SYN3: variants seen among roughly 807,000 people sequenced by gnomAD.
SYN3 encodes synapsin III.
Under a neutral mutation model 65.8 loss-of-function variants are expected in SYN3, and 35 were observed. The ratio of observed to expected loss-of-function variants is 0.53; its 90% CI spans 0.41 to 0.70. SYN3 has a LOEUF of 0.70. SYN3 is among the 30% of genes least tolerant of loss of function. The pLI is 0.00. For synonymous variants in SYN3, 270 were observed against 292.9 expected, an observed-to-expected ratio of 0.92 and a Z score of 0.80; for missense variants, 680 against 749.0, an observed-to-expected ratio of 0.91 and a Z score of 1.08.
At chr22:33,027,668 A>AAGAAAGAAAAGAAAGAAAG (rs1171911185) in intron 1 of SYN3, among the ~76,000 whole-genome samples, 1 of 151,846 alleles carries the variant, frequency 6.6e-6, no homozygotes, top group Non-Finnish European at 1.5e-5. Flanking sequence ...AAGAAAGAAA[A>AAGAAAGAAAAGAAAGAAAG]AGAAAGAAAA....
intron 6 of SYN3, among the ~76,000 whole-genome samples, chr22:32,708,235 T>C (rs1016535571): frequency 6.6e-6 from 1 of 152,198 alleles, no homozygotes; most frequent in African/African-American, 2.4e-5. Flanking sequence ...ATGAAGAGTA[T>C]TTATTACTGG....
chr22:32,938,487 G>A (rs576480141), intron 3 of SYN3, among the ~76,000 whole-genome samples: 21 of 148,030 alleles, frequency 1.4e-4, no homozygotes, highest in South Asian at 4.3e-4. Flanking sequence ...CAGCAATCGC[G>A]CCACTGCACT....
At chr22:32,793,569 T>C (rs1466456801) in intron 6 of SYN3, among the ~76,000 whole-genome samples, 2 of 152,238 alleles carry the variant, frequency 1.3e-5, no homozygotes, top group Non-Finnish European at 2.9e-5. Context: ...CCTTGTTCAC[T>C]GTTGTATCTT....
At chr22:33,047,375 A>G (rs2054085957) in intron 1 of SYN3, among the ~76,000 whole-genome samples, 1 of 152,162 alleles carries the variant, frequency 6.6e-6, no homozygotes, top group Non-Finnish European at 1.5e-5. Context: ...GAAACTCCCA[A>G]TGCTTTCAAC....
chr22:32,716,545 T>G (rs1359186607), intron 6 of SYN3, among the ~76,000 whole-genome samples: 1 of 152,056 alleles, frequency 6.6e-6, no homozygotes, highest in Non-Finnish European at 1.5e-5. Flanking sequence ...TTGTTTGTTT[T>G]TTTGAGACAG....
At chr22:32,988,084 G>A (rs939130684) in intron 2 of SYN3, among the ~76,000 whole-genome samples, 1 of 151,760 alleles carries the variant, frequency 6.6e-6, no homozygotes, top group Non-Finnish European at 1.5e-5. Context: ...CGAGGTGGGC[G>A]GTTCACGAGG....
chr22:32,782,073 ATT>A (rs57236777), intron 6 of SYN3, among the ~76,000 whole-genome samples: 58 of 143,922 alleles, frequency 4.0e-4, no homozygotes, highest in Admixed American at 6.3e-4. Flanking sequence ...AGGCTCTGTA[ATT>A]TTTTTTTTTT....
At chr22:32,919,887 T>C (rs368983767) in intron 4 of SYN3, among the ~76,000 whole-genome samples, 1 of 152,156 alleles carries the variant, frequency 6.6e-6, no homozygotes, top group Non-Finnish European at 1.5e-5. Flanking sequence ...TGGGGACACA[T>C]AGAAAAGTCT....
intron 4 of SYN3, among the ~76,000 whole-genome samples, chr22:32,902,135 C>T (rs1032063298): frequency 6.6e-6 from 1 of 152,196 alleles, no homozygotes; most frequent in African/African-American, 2.4e-5. Flanking sequence ...AGGCAGCCCC[C>T]TAGGTGGCGG....
chr22:32,990,823 G>A (rs898060661), intron 2 of SYN3, among the ~76,000 whole-genome samples: 8 of 151,784 alleles, frequency 5.3e-5, no homozygotes, highest in East Asian at 3.9e-4. Flanking sequence ...TGAGGTGGGC[G>A]GATCACTGGA....
chr22:32,829,157 T>G (rs2146114786), intron 6 of SYN3, among the ~76,000 whole-genome samples: 1 of 152,264 alleles, frequency 6.6e-6, no homozygotes, highest in Non-Finnish European at 1.5e-5. Flanking sequence ...TCGGCACTTC[T>G]TAGCAGCTCC....
chr22:32,738,552 C>A (rs1357097697), intron 6 of SYN3, among the ~76,000 whole-genome samples: 1 of 152,180 alleles, frequency 6.6e-6, no homozygotes, highest in Non-Finnish European at 1.5e-5. Context: ...TCCAGTTATT[C>A]CCTGTTGGCT....
At chr22:32,676,821 G>A (rs1396430848) in intron 6 of SYN3, among the ~76,000 whole-genome samples, 4 of 151,962 alleles carry the variant, frequency 2.6e-5, no homozygotes, top group Non-Finnish European at 4.4e-5. Flanking sequence ...GGGATTACAG[G>A]CGTGAGCCAC....
intron 12 of SYN3, 91 bp downstream of exon 12, chr22:32,527,827 G>T: frequency 8.9e-7 from 1 of 1,121,636 alleles, no homozygotes; most frequent in South Asian, 1.4e-5. Context: ...CATTTTCCCA[G>T]AGCCCCTTGT....
At chr22:33,026,150 T>C (rs1232126175) in intron 1 of SYN3, among the ~76,000 whole-genome samples, 1 of 152,184 alleles carries the variant, frequency 6.6e-6, no homozygotes, top group Non-Finnish European at 1.5e-5. Flanking sequence ...CAAATCCCTT[T>C]CATTCATGCC....
chr22:32,853,429 G>A (rs551132019), intron 6 of SYN3, among the ~76,000 whole-genome samples: 1 of 152,322 alleles, frequency 6.6e-6, no homozygotes, highest in Admixed American at 6.5e-5. Context: ...AATCATTGAG[G>A]CAACTCATGC....
chr22:32,859,142 G>A, intron 6 of SYN3: 1 of 1,611,336 alleles, frequency 6.2e-7, no homozygotes, highest in South Asian at 1.1e-5. Context: ...GCATACCATG[G>A]CAGAGTCCAT....
At chr22:32,680,972 A>C (rs1194661203) in intron 6 of SYN3, among the ~76,000 whole-genome samples, 1 of 152,202 alleles carries the variant, frequency 6.6e-6, no homozygotes, top group Non-Finnish European at 1.5e-5. Flanking sequence ...ACATATCTTC[A>C]CTTGTTAAAT....
chr22:32,753,006 G>T (rs1372632156), intron 6 of SYN3, among the ~76,000 whole-genome samples: 1 of 152,136 alleles, frequency 6.6e-6, no homozygotes, highest in Admixed American at 6.5e-5. Flanking sequence ...AGGGTCAGGG[G>T]TTGGTCCCAA....
Sources: gnomAD v4.1 joint callset for allele counts (sites outside exome capture counted in the v4.1 genomes callset) on GRCh38, gnomAD v4.1.1 for gene constraint, MANE v1.5 for transcripts, NCBI Gene and HGNC (gene_info 2026-07-23, HGNC 2026-07-21) for gene names.